Variants in DNMT3B observed in about 807,000 individuals in gnomAD.
DNMT3B encodes the protein DNA methyltransferase 3 beta, also known as DNA (cytosine-5)-methyltransferase 3B.
DNMT3B carries 37 observed loss-of-function variants against 120.2 expected under a neutral mutation model. The observed-to-expected ratio is 0.31, with a 90% CI of 0.24 to 0.40. The LOEUF (loss-of-function observed/expected upper bound fraction) is 0.40, where lower values mean the gene tolerates loss of function less well. DNMT3B is among the 10% of genes least tolerant of loss of function. The probability of loss-of-function intolerance (pLI) is 1.00; values close to 1 mark genes in which losing one functional copy is unlikely to be tolerated. For missense variants in DNMT3B, 878 were observed against 1,137.3 expected (o/e 0.77, Z 3.28); for synonymous variants, 412 against 442.8 (o/e 0.93, Z 0.87).
Position 32,798,511 on chromosome 20 carries a change from C to G in DNMT3B, c.1542C>G (p.Ala514=), listed in dbSNP as rs140714949. The G allele has an allele frequency of 1.2e-6, 2 of 1,614,202 alleles. No individual in the cohort carries two copies. Among genetic ancestry groups the G allele is most frequent in the Non-Finnish European group, 1.7e-6 (2 of 1,180,038 alleles). Residue 514 remains alanine (A), a synonymous_variant, in exon 15 of 23, where the codon GCC becomes GCG. Coordinates refer to ENST00000328111, the MANE Select transcript of DNMT3B (RefSeq NM_006892.4). The part of the protein sequence containing the change: ...LEVLVGTGTA[A]EAKLQEPWSC... ...TGCTGGTGGGCACAGGCACAGCGGC[C>G]GAGGCCAAGCTTCAGGAGCCCTGGA...
chr20:32,799,298 G>T lies in DNMT3B; in HGVS notation c.1729G>T (p.Val577Phe). ...IPAARRRPIR[V>F]LSLFDGIATG... is the part of the protein sequence containing the mutation. ...CGCAGCCCGAAGGCGGCCCATTCGA[G>T]TCCTGTCATTGTTTGATGGCATCGC... The change falls in exon 16 of 23, where the codon GTC becomes TTC. Residue 577 changes from valine to phenylalanine, a missense_variant. Val to Phe is a conservative substitution (Grantham distance 50). This residue lies in a region of DNMT3B where 334 missense variants were observed against 518.8 expected (regional missense o/e 0.64). Transcript: ENST00000328111. 1.2e-6 allele frequency: 2 copies of T among 1,613,548 alleles called. No individual in the cohort carries two copies. The highest frequency in any genetic ancestry group is 1.7e-6 in the Non-Finnish European group (2 of 1,179,822).
chr20:32,787,550 GT>G, intron 6 of DNMT3B, 99 bp downstream of exon 6: 1 of 1,334,972 alleles, frequency 7.5e-7, no homozygotes, highest in Non-Finnish European at 1.1e-6. Context: ...GACAACAGTT[GT>G]TAGAAGTTTC....
rs1568850347 is a variant in DNMT3B at position 32,795,630 on chromosome 20, C to G, written c.1253-20C>G. The G allele has an allele frequency of 1.2e-6, 2 of 1,614,180 alleles. No homozygotes were observed. The highest frequency in any genetic ancestry group is 1.7e-6 in the Non-Finnish European group (2 of 1,180,036). ...CCCGGCTCCCTGACCTCATCTCATG[C>G]CTTCTTCTTTTCTCAATAGAACAAA... On this transcript the variant is annotated intron_variant, in intron 11 of 22. Coordinates refer to ENST00000328111, the MANE Select transcript of DNMT3B (RefSeq NM_006892.4).
intron 1 of DNMT3B, chr20:32,780,000 CATTGTTTGAAGGGGCCGGCTA>C: frequency 3.6e-6 from 5 of 1,378,738 alleles, no homozygotes; most frequent in Non-Finnish European, 5.0e-6. Context: ...TCCTAAATGG[CATTGTTTGAAGGGGCCGGCTA>C]ATTGCACAGA....
intron 1 of DNMT3B, among the ~76,000 whole-genome samples, chr20:32,773,141 C>G (rs550168834): frequency 4.6e-5 from 7 of 151,054 alleles, no homozygotes; most frequent in Non-Finnish European, 1.0e-4. Context: ...GAGAGGGAGC[C>G]TGAGCCTGTA....
chr20:32,780,617 G>A (rs1289961966), intron 2 of DNMT3B, 152 bp downstream of exon 2: 16 of 1,320,674 alleles, frequency 1.2e-5, no homozygotes, highest in East Asian at 2.5e-5. Context: ...ATGCAGGGTC[G>A]AGCCCTTCAC....
intron 21 of DNMT3B, 31 bp from the exon 22 acceptor site, chr20:32,806,178 G>A (rs1981960450): frequency 6.2e-7 from 1 of 1,603,234 alleles, no homozygotes. Context: ...TTCATTCTGT[G>A]CTCACTCCAT....
chr20:32,791,922 C>T (rs1000974300), intron 8 of DNMT3B, among the ~76,000 whole-genome samples: 1 of 152,196 alleles, frequency 6.6e-6, no homozygotes, highest in African/African-American at 2.4e-5. Context: ...GGACCACTAA[C>T]TGAATCAGAA....
rs1046607429 is a variant in DNMT3B, at chr20:32,793,469, AAAAAG to A, written c.1067-62_1067-58del. The A allele has an allele frequency of 9.0e-5, 141 of 1,574,520 alleles. 1 individual carries two copies. In the Admixed American group the frequency reaches 9.0e-4, roughly 10 times the overall value. On this transcript the variant is annotated intron_variant, in intron 9 of 22. Transcript: ENST00000328111. The stretch of plus-strand genomic sequence containing the variant: ...GGTGACAGAGCAAGACCTTGTCTCA[AAAAAG>A]AAAACAGTCCATACATTTAATGTAA...
In DNMT3B at chr20:32,801,560, G is replaced by A. The variant is rs978453112; in HGVS notation, c.2145+134G>A. 4 of 1,154,158 alleles carry A rather than the reference G, an allele frequency of 3.5e-6. No individual in the cohort carries two copies. The African/African-American group carries it at 6.1e-5, about 18-fold the overall frequency. 71.5% of individuals were successfully genotyped at this position (1,154,158 alleles called of 1,614,324 possible). ...TTGGTCTGGCTAGATCCAATAGTGA[G>A]GGATTCAGTGGGTTCTCTTAGTACA... is the stretch of plus-strand genomic sequence containing the variant. On this transcript the variant is annotated intron_variant, in intron 19 of 22. Coordinates refer to ENST00000328111, the MANE Select transcript of DNMT3B (RefSeq NM_006892.4).
chr20:32,790,060 G>A (rs1054230743), intron 7 of DNMT3B, among the ~76,000 whole-genome samples: 4 of 152,242 alleles, frequency 2.6e-5, no homozygotes, highest in African/African-American at 9.6e-5. Flanking sequence ...GTACATTCCT[G>A]GGATTCAGCT....
intron 14 of DNMT3B, among the ~76,000 whole-genome samples, chr20:32,797,628 G>C (rs957588326): frequency 6.6e-6 from 1 of 151,652 alleles, no homozygotes; most frequent in Non-Finnish European, 1.5e-5. Context: ...TGAACAGCTT[G>C]ATTATAGGCA....
chr20:32,793,599 T>G lies in DNMT3B; in HGVS notation c.1126+4T>G. On this transcript the variant is annotated splice_donor_region_variant and intron_variant, in intron 10 of 22. Transcript: ENST00000328111. ...AAATTAGAATCAAGGAAATACGGTA[T>G]TTCCTTCCTGTCTTTTGACTGTGCC... The G allele has an allele frequency of 6.2e-7, 1 of 1,613,898 alleles. No individual in the cohort carries two copies. The highest frequency in any genetic ancestry group is 8.5e-7 in the Non-Finnish European group (1 of 1,179,900).
Position 32,798,584 on chromosome 20 carries a change from C to T in DNMT3B, c.1615C>T (p.Arg539Trp), listed in dbSNP as rs562665925. ...PQRCHGVLRR[R>W]KDWNVRLQAF... ...GCGCTGTCATGGCGTCCTGCGGCGC[C>T]GGAAGGACTGGAACGTGCGCCTGCA... The change falls in exon 15 of 23, where the codon CGG (arginine) becomes TGG (tryptophan). Residue 539 changes from arginine (R) to tryptophan (W), a missense_variant. This residue lies in a region of DNMT3B where 334 missense variants were observed against 518.8 expected (regional missense o/e 0.64). Coordinates refer to ENST00000328111, the MANE Select transcript of DNMT3B (RefSeq NM_006892.4). The T allele has an allele frequency of 6.2e-6, 10 of 1,614,218 alleles. No individual in the cohort carries two copies. Among genetic ancestry groups the T allele is most frequent in the East Asian group, 4.5e-5 (2 of 44,886 alleles).
At chr20:32,762,903 A>T (rs1828049849) in intron 1 of DNMT3B, among the ~76,000 whole-genome samples, 1 of 151,772 alleles carries the variant, frequency 6.6e-6, no homozygotes, top group Non-Finnish European at 1.5e-5. Context: ...TGGAACGGGG[A>T]CAGCGGGTGG....
chr20:32,779,940 C>T, intron 1 of DNMT3B: 3 of 778,542 alleles, frequency 3.9e-6, no homozygotes, highest in Non-Finnish European at 2.1e-6. Flanking sequence ...GAGAGGGGGC[C>T]AGGGCCAGAG....
chr20:32,779,672 C>T (rs1181025310), intron 1 of DNMT3B, among the ~76,000 whole-genome samples: 1 of 152,186 alleles, frequency 6.6e-6, no homozygotes, highest in Non-Finnish European at 1.5e-5. Context: ...TCCTTCCCTC[C>T]TTGGGAACTT....
rs375989455 is a variant in DNMT3B, at chr20:32,776,216, C to G, written c.-6-4102C>G. Among the ~76,000 whole-genome samples, 4 of 137,390 alleles carry G rather than the reference C, an allele frequency of 2.9e-5. 1 individual carries two copies. In the South Asian group the frequency reaches 9.9e-4, roughly 34 times the overall value. The allele number at this position is 137,390 out of a possible 152,430, so 90.1% of individuals were successfully genotyped here. ...TGCACTCCAGCCCAGGTGACAGAGA[C>G]TTGATCTTAAAAAAAGAAAAAAAAA... On this transcript the variant is annotated intron_variant, in intron 1 of 22. Coordinates refer to ENST00000328111, the MANE Select transcript of DNMT3B (RefSeq NM_006892.4).
At chr20:32,797,966 G>A (rs1356172301) in intron 14 of DNMT3B, among the ~76,000 whole-genome samples, 4 of 152,012 alleles carry the variant, frequency 2.6e-5, no homozygotes, top group South Asian at 2.1e-4. Flanking sequence ...ATGATCCACC[G>A]TGCCTGGCCT....
Sources: gnomAD v4.1 joint callset for allele counts (sites outside exome capture counted in the v4.1 genomes callset) on GRCh38, gnomAD v4.1.1 for gene constraint, gnomAD v4.1.1 regional missense constraint, MANE v1.5 for transcripts, NCBI Gene and HGNC (gene_info 2026-07-23, HGNC 2026-07-21) for gene names.